COL6A6: variants seen among roughly 807,000 people sequenced by gnomAD.
COL6A6 encodes collagen type VI alpha 6 chain, also known as collagen alpha-6(VI) chain.
Under a neutral mutation model 208.6 loss-of-function variants are expected in COL6A6, and 183 were observed. The observed-to-expected ratio is 0.88, with a 90% CI of 0.78 to 0.99. COL6A6 has a LOEUF of 0.99. COL6A6 is among the 50% of genes least tolerant of loss of function. The pLI is 0.00. For missense variants in COL6A6, 2,816 were observed against 2,815.2 expected, an observed-to-expected ratio of 1.00 and a Z score of -0.01; for synonymous variants, 973 against 1,011.8, an observed-to-expected ratio of 0.96 and a Z score of 0.73.
At position 130,661,686 on chromosome 3, in the gene COL6A6, G is replaced by GCAGT. The variant is rs771245474; in HGVS notation, c.5882_5885dup (p.Tyr1963ValfsTer19). The stretch of plus-strand genomic sequence containing the variant: ...GTGACCAAGCCAGACCACCCCCTGT[G>GCAGT]CAGTCTTACATGGATGCTGCTTTCC... On this transcript the variant is annotated frameshift_variant, in exon 35 of 37. Transcript: ENST00000358511. LOFTEE classifies it high-confidence loss of function. 16 of 1,613,806 alleles carry GCAGT rather than the reference G, an allele frequency of 9.9e-6. No individual in the cohort carries two copies. The highest frequency in any genetic ancestry group is 1.3e-5 in the African/African-American group (1 of 74,926).
At chr3:130,618,752 G>A (rs1362969885) in intron 23 of COL6A6, among the ~76,000 whole-genome samples, 1 of 152,128 alleles carries the variant, frequency 6.6e-6, no homozygotes, top group African/African-American at 2.4e-5. Flanking sequence ...TTCTCTAATG[G>A]CAAGGTCCTG....
chr3:130,669,405 A>G (rs2066155626), intron 36 of COL6A6, among the ~76,000 whole-genome samples: 1 of 151,612 alleles, frequency 6.6e-6, no homozygotes, highest in African/African-American at 2.4e-5. Flanking sequence ...AAAAATATAT[A>G]TATAAATAAA....
chr3:130,537,038 A>T (rs899505250), intron 1 of COL6A6, among the ~76,000 whole-genome samples: 1 of 152,240 alleles, frequency 6.6e-6, no homozygotes, highest in Non-Finnish European at 1.5e-5. Flanking sequence ...AATTATTCCT[A>T]TGTTTCTAGC....
rs916093440 is a variant in COL6A6, at chr3:130,676,520, C to T, written c.*1123C>T. 2 of 152,208 alleles carry T rather than the reference C, an allele frequency of 1.3e-5. No homozygotes were observed. Among genetic ancestry groups the T allele is most frequent in the African/African-American group, 4.8e-5 (2 of 41,446 alleles). The allele number at this position is 152,208 out of a possible 1,614,324, so 9.4% of individuals were successfully genotyped here. A position where few individuals can be genotyped will look rare whatever the true frequency, so the allele number is the denominator to read the frequency against. On this transcript the variant is annotated 3_prime_UTR_variant, in exon 37 of 37. Coordinates refer to ENST00000358511, the MANE Select transcript of COL6A6 (RefSeq NM_001102608.3). ...CTTACCTCAGTCTAAGAGCTGGCTC[C>T]ACAGTTGGTAGCAATGGCCCTGTTA...
chr3:130,589,396 G>C (rs1400563222), intron 12 of COL6A6, among the ~76,000 whole-genome samples: 1 of 152,120 alleles, frequency 6.6e-6, no homozygotes, highest in Non-Finnish European at 1.5e-5. Flanking sequence ...GAAGACTCAG[G>C]AGAAACAACT....
At position 130,649,405 on chromosome 3, in the gene COL6A6, CG is replaced by C; in HGVS notation, c.5581del (p.Ala1861HisfsTer37). The C allele has an allele frequency of 1.2e-6, 2 of 1,612,922 alleles. No individual in the cohort carries two copies. The highest frequency in any genetic ancestry group is 1.6e-4 in the Middle Eastern group (1 of 6,062). On this transcript the variant is annotated frameshift_variant, in exon 33 of 37. Transcript: ENST00000358511. LOFTEE classifies it high-confidence loss of function. ...ISRNVFKRTL[P>X]GAHTRKIATF... ...AGGAATGTCTTCAAGCGGACGCTTCCGGGGGCACACACGAGAAAAATCGCCA... is the reference window on the plus strand; with the variant it reads ...AGGAATGTCTTCAAGCGGACGCTTCCGGGGCACACACGAGAAAAATCGCCA...
At chr3:130,610,947 A>C (rs1355838919) in intron 23 of COL6A6, among the ~76,000 whole-genome samples, 1 of 152,196 alleles carries the variant, frequency 6.6e-6, no homozygotes, top group African/African-American at 2.4e-5. Flanking sequence ...CTGCTCAGCT[A>C]TGTAAATCAG....
intron 34 of COL6A6, 148 bp downstream of exon 34, chr3:130,658,920 A>G (rs888487734): frequency 3.6e-5 from 22 of 616,888 alleles, no homozygotes; most frequent in African/African-American, 3.1e-4. Flanking sequence ...GTCACACTTC[A>G]TCTTCCACAG....
intron 1 of COL6A6, among the ~76,000 whole-genome samples, chr3:130,559,203 C>T (rs767792393): frequency 1.7e-4 from 26 of 152,258 alleles, no homozygotes; most frequent in Admixed American, 3.9e-4. Context: ...GTTTTCACTT[C>T]GGGAAATCCA....
rs2065093195 is a variant in COL6A6, at chr3:130,635,724, CAG to C, written c.5055_5056del (p.Gly1686ArgfsTer8). The C allele has an allele frequency of 6.2e-7, 1 of 1,611,724 alleles. No individual in the cohort carries two copies. Among genetic ancestry groups the C allele is most frequent in the African/African-American group, 1.3e-5 (1 of 74,866 alleles). On this transcript the variant is annotated frameshift_variant, in exon 28 of 37. Coordinates refer to ENST00000358511, the MANE Select transcript of COL6A6 (RefSeq NM_001102608.3). LOFTEE classifies it high-confidence loss of function. ...GGTGAGATTGGGGACCCTGGTGGTC[CAG>C]GAGAGACTGGGCTGAAGGGAGCTAG...
intron 24 of COL6A6, among the ~76,000 whole-genome samples, chr3:130,625,112 A>G (rs1008141923): frequency 4.6e-5 from 7 of 152,224 alleles, no homozygotes; most frequent in African/African-American, 1.7e-4. Flanking sequence ...ATGGGATCCA[A>G]GAATTTTCTT....
At chr3:130,527,690 C>T (rs933433823) in intron 1 of COL6A6, among the ~76,000 whole-genome samples, 1 of 152,254 alleles carries the variant, frequency 6.6e-6, no homozygotes, top group South Asian at 2.1e-4. Flanking sequence ...AAATTGGATC[C>T]TTGCTCTGCA....
At chr3:130,600,607 C>T (rs2063984624) in intron 20 of COL6A6, among the ~76,000 whole-genome samples, 1 of 152,162 alleles carries the variant, frequency 6.6e-6, no homozygotes, top group Non-Finnish European at 1.5e-5. Context: ...AGGAAACTAA[C>T]ACAGGAATGG....
intron 22 of COL6A6, among the ~76,000 whole-genome samples, chr3:130,609,986 C>T (rs937930847): frequency 6.5e-5 from 9 of 139,498 alleles, no homozygotes; most frequent in South Asian, 2.2e-4. Context: ...AACCTTCAAG[C>T]GAGAAATAGT....
rs1049279655 is a variant in COL6A6, at chr3:130,589,146, T to C, written c.4182T>C (p.Asp1394=). 1 of 1,613,790 alleles carries C rather than the reference T, an allele frequency of 6.2e-7. No homozygotes were observed. Among genetic ancestry groups the C allele is most frequent in the African/African-American group, 1.3e-5 (1 of 74,934 alleles). Residue 1394 remains aspartate, a synonymous_variant, in exon 12 of 37, where the codon GAT becomes GAC. Transcript: ENST00000358511. ...CCLFCKCIGG[D]GTMGDPGPPG... ...TGTTCTGCAAGTGCATTGGAGGAGA[T>C]GGCACAATGGGAGATCCTGGACCAC...
At chr3:130,641,540 AAATTTTCACTTTTG>A in intron 28 of COL6A6, 98 bp from the exon 29 acceptor site, 1 of 506,526 alleles carries the variant, frequency 2.0e-6, no homozygotes, top group African/African-American at 2.0e-5. Context: ...AATAAAAGTG[AAATTTTCACTTTTG>A]AATTTTCACC....
At position 130,657,915 on chromosome 3, in the gene COL6A6, TTTAA is replaced by T. The variant is rs1297688489; in HGVS notation, c.5734-757_5734-754del. Among the ~76,000 whole-genome samples the T allele has an allele frequency of 4.6e-5, 7 of 152,368 alleles. No homozygotes were observed. The South Asian group carries it at 1.4e-3, about 32-fold the overall frequency. ...GATAAGGTCATGCCTACAGTTTTTC[TTTAA>T]TTATCAATGATCTCTGGGTCAATTA... On this transcript the variant is annotated intron_variant, in intron 33 of 36. Transcript: ENST00000358511.
chr3:130,552,964 T>C (rs1356707777), intron 1 of COL6A6, among the ~76,000 whole-genome samples: 1 of 152,254 alleles, frequency 6.6e-6, no homozygotes, highest in Admixed American at 6.5e-5. Context: ...TGCTGAATAA[T>C]ATAGGCCTCC....
At chr3:130,660,669 G>A (rs896956427) in intron 34 of COL6A6, among the ~76,000 whole-genome samples, 4 of 152,230 alleles carry the variant, frequency 2.6e-5, no homozygotes, top group African/African-American at 9.6e-5. Flanking sequence ...ATGCTGAACT[G>A]AAGCCCAGTG....
Sources: gnomAD v4.1 joint callset for allele counts (sites outside exome capture counted in the v4.1 genomes callset) on GRCh38, gnomAD v4.1.1 for gene constraint, MANE v1.5 for transcripts, NCBI Gene and HGNC (gene_info 2026-07-23, HGNC 2026-07-21) for gene names.